Variants in SLC38A4 observed in about 807,000 individuals in gnomAD.
The protein encoded by SLC38A4 is sodium-coupled neutral amino acid transporter 4.
In SLC38A4, 20 loss-of-function variants were observed where a neutral mutation model predicts 63.1. The observed-to-expected ratio is 0.32, with a 90% CI of 0.22 to 0.46. The LOEUF is 0.46. Ranked by LOEUF, SLC38A4 falls within the 20% of genes least tolerant of loss-of-function variation. The probability of loss-of-function intolerance (pLI) is 1.00; values close to 1 mark genes in which losing one functional copy is unlikely to be tolerated. For missense variants in SLC38A4, 526 were observed against 663.6 expected, an observed-to-expected ratio of 0.79 and a Z score of 2.28; for synonymous variants, 230 against 225.5, an observed-to-expected ratio of 1.02 and a Z score of -0.18.
intron 7 of SLC38A4, among the ~76,000 whole-genome samples, chr12:46,781,230 G>A (rs1045156353): frequency 6.6e-6 from 1 of 151,942 alleles, no homozygotes; most frequent in Non-Finnish European, 1.5e-5. Flanking sequence ...TGAAAAGGAC[G>A]GACTACATCT....
intron 1 of SLC38A4, among the ~76,000 whole-genome samples, chr12:46,815,514 A>G (rs1027925548): frequency 6.6e-6 from 1 of 151,694 alleles, no homozygotes; most frequent in Non-Finnish European, 1.5e-5. Flanking sequence ...TCAATGAGAT[A>G]ATTTACAACC....
At chr12:46,826,955 T>C (rs1350721323), upstream of SLC38A4, among the ~76,000 whole-genome samples, 2 of 152,242 alleles carry the variant, frequency 1.3e-5, no homozygotes, top group African/African-American at 4.8e-5. Context: ...GTTTTCTTTC[T>C]TCCTTCATTC....
rs972137459 is a variant in SLC38A4, at chr12:46,764,870, T to C, written c.*1831A>G. 1.3e-5 allele frequency: 2 copies of C among 152,608 alleles called. No individual in the cohort carries two copies. Among genetic ancestry groups the C allele is most frequent in the Non-Finnish European group, 2.9e-5 (2 of 68,004 alleles). 9.5% of individuals were successfully genotyped at this position (152,608 alleles called of 1,614,324 possible). A position where few individuals can be genotyped will look rare whatever the true frequency, so the allele number is the denominator to read the frequency against. On this transcript the variant is annotated 3_prime_UTR_variant, in exon 17 of 17. Coordinates refer to ENST00000266579, the MANE Select transcript of SLC38A4 (RefSeq NM_018018.5). The stretch of plus-strand genomic sequence containing the variant: ...TAAATGAAATAAGAAAATAAAATTT[T>C]CATCTGTTTACAAATGGGGTTAAAT...
chr12:46,830,986 C>T (rs1053990259), upstream of SLC38A4, among the ~76,000 whole-genome samples: 5 of 152,230 alleles, frequency 3.3e-5, no homozygotes, highest in African/African-American at 9.6e-5. Context: ...CCCGCGACCA[C>T]GTATCCCTGA....
intron 2 of SLC38A4, among the ~76,000 whole-genome samples, chr12:46,799,605 A>T (rs1939089215): frequency 6.6e-6 from 1 of 152,112 alleles, no homozygotes; most frequent in Non-Finnish European, 1.5e-5. Context: ...AAAAAAATGT[A>T]TTCTATTTTT....
intron 7 of SLC38A4, among the ~76,000 whole-genome samples, chr12:46,783,143 A>G (rs914884405): frequency 2.0e-5 from 3 of 150,530 alleles, no homozygotes; most frequent in Non-Finnish European, 4.4e-5. Flanking sequence ...AAAATATTAA[A>G]ATAGTACTGT....
intron 1 of SLC38A4, among the ~76,000 whole-genome samples, chr12:46,825,231 C>A (rs139310278): frequency 5.6e-3 from 563 of 100,048 alleles, no homozygotes; most frequent in Middle Eastern, 0.032. Flanking sequence ...AGATGTAACC[C>A]CTGGAGGAAA....
intron 7 of SLC38A4, among the ~76,000 whole-genome samples, chr12:46,783,272 G>T (rs145652957): frequency 3.5e-5 from 5 of 141,978 alleles, no homozygotes; most frequent in African/African-American, 5.2e-5. Context: ...TAGATAGATA[G>T]ATAAAGATAG....
At chr12:46,772,466 A>C (rs1175117633) in intron 14 of SLC38A4, among the ~76,000 whole-genome samples, 2 of 152,066 alleles carry the variant, frequency 1.3e-5, no homozygotes, top group Non-Finnish European at 2.9e-5. Flanking sequence ...GGAAATATGG[A>C]AACTTTACTG....
At chr12:46,814,325 A>G (rs973256259) in intron 1 of SLC38A4, among the ~76,000 whole-genome samples, 2 of 151,958 alleles carry the variant, frequency 1.3e-5, no homozygotes, top group African/African-American at 4.8e-5. Flanking sequence ...AAACAACCTC[A>G]TAACAAGGCA....
intron 7 of SLC38A4, among the ~76,000 whole-genome samples, chr12:46,783,842 A>G (rs1315414461): frequency 2.0e-5 from 3 of 152,066 alleles, no homozygotes; most frequent in Non-Finnish European, 4.4e-5. Flanking sequence ...AGCCGGCAGG[A>G]CATCTGAAAT....
chr12:46,813,951 C>A (rs1939386912), intron 1 of SLC38A4, among the ~76,000 whole-genome samples: 1 of 151,994 alleles, frequency 6.6e-6, no homozygotes, highest in Non-Finnish European at 1.5e-5. Context: ...GACTTCAATA[C>A]CTAATATGAT....
rs554730597 is a variant in SLC38A4, at chr12:46,787,823, G to A, written c.326+93C>T. On this transcript the variant is annotated intron_variant, in intron 5 of 16. Coordinates refer to ENST00000266579, the MANE Select transcript of SLC38A4 (RefSeq NM_018018.5). ...TGATTAGCCTCCTCTGAGTCTTCAC[G>A]TTCACAAAGATCAAACTTGAGATTG... 5.9e-4 allele frequency: 529 copies of A among 897,342 alleles called. 2 individuals carry two copies. Among genetic ancestry groups the A allele is most frequent in the Middle Eastern group, 1.1e-3 (5 of 4,474 alleles). The allele number at this position is 897,342 out of a possible 1,614,324, so 55.6% of individuals were successfully genotyped here. A position where few individuals can be genotyped will look rare whatever the true frequency, so the allele number is the denominator to read the frequency against.
intron 1 of SLC38A4, among the ~76,000 whole-genome samples, chr12:46,821,041 T>A (rs1939535842): frequency 6.6e-6 from 1 of 152,030 alleles, no homozygotes; most frequent in Admixed American, 6.6e-5. Context: ...ATGTAGGTGT[T>A]CCTTATATAT....
At chr12:46,829,562 G>A (rs1257860824), upstream of SLC38A4, among the ~76,000 whole-genome samples, 1 of 152,138 alleles carries the variant, frequency 6.6e-6, no homozygotes, top group Admixed American at 6.5e-5. Context: ...TAAGTGTACT[G>A]TGATTGTCCT....
intron 14 of SLC38A4, among the ~76,000 whole-genome samples, chr12:46,770,654 G>A (rs1043225832): frequency 2.0e-5 from 3 of 152,106 alleles, no homozygotes; most frequent in Non-Finnish European, 4.4e-5. Context: ...TGTGGGCAGA[G>A]GGAGGGAGTG....
chr12:46,765,452 G>T lies in SLC38A4; in HGVS notation c.*1249C>A. 1 of 371,272 alleles carries T rather than the reference G, an allele frequency of 2.7e-6. No individual in the cohort carries two copies. The highest frequency in any genetic ancestry group is 5.2e-6 in the Non-Finnish European group (1 of 193,490). 23.0% of individuals were successfully genotyped at this position (371,272 alleles called of 1,614,324 possible). A position where few individuals can be genotyped will look rare whatever the true frequency, so the allele number is the denominator to read the frequency against. ...ATGCTAAATTAAAAGAACAACTTTA[G>T]TATGATAAAAATTTGCAAAAAGAAA... On this transcript the variant is annotated 3_prime_UTR_variant, in exon 17 of 17. Coordinates refer to ENST00000266579, the MANE Select transcript of SLC38A4 (RefSeq NM_018018.5).
chr12:46,820,547 T>G (rs1357409558), intron 1 of SLC38A4, among the ~76,000 whole-genome samples: 1 of 152,094 alleles, frequency 6.6e-6, no homozygotes, highest in Non-Finnish European at 1.5e-5. Context: ...ATTTTATGTA[T>G]ATACCACGTT....
At chr12:46,776,805 A>T (rs1938534820) in intron 13 of SLC38A4, 99 bp downstream of exon 13, 2 of 941,922 alleles carry the variant, frequency 2.1e-6, no homozygotes, top group Non-Finnish European at 3.5e-6. Flanking sequence ...TCTATAGAGC[A>T]TGCTTATAGA....
Sources: allele counts gnomAD v4.1 joint callset (sites outside exome capture counted in the v4.1 genomes callset), GRCh38; gene constraint gnomAD v4.1.1; transcripts MANE v1.5; gene names NCBI Gene and HGNC (gene_info 2026-07-23, HGNC 2026-07-21).